C1QTNF7: variants seen among roughly 807,000 people sequenced by gnomAD.
The protein encoded by C1QTNF7 is complement C1q tumor necrosis factor-related protein 7.
A neutral mutation model predicts 19.6 loss-of-function variants in C1QTNF7; 15 were observed. The ratio of observed to expected loss-of-function variants is 0.76; its 90% CI spans 0.51 to 1.18. C1QTNF7 has a LOEUF of 1.18. C1QTNF7 is among the 50% of genes most tolerant of loss of function. The pLI is 0.00. For synonymous variants in C1QTNF7, 142 were observed against 137.5 expected (o/e 1.03, Z -0.23); for missense variants, 324 against 359.7 (o/e 0.90, Z 0.80).
At chr4:15,397,100 T>C (rs1044704870) in intron 1 of C1QTNF7, among the ~76,000 whole-genome samples, 10 of 152,120 alleles carry the variant, frequency 6.6e-5, no homozygotes, top group African/African-American at 2.4e-4. Context: ...AACCACCAGA[T>C]CTTGTAAGAC....
At chr4:15,407,419 T>C (rs567826995) in intron 1 of C1QTNF7, among the ~76,000 whole-genome samples, 2 of 152,226 alleles carry the variant, frequency 1.3e-5, no homozygotes, top group African/African-American at 4.8e-5. Flanking sequence ...GAGTAAAATT[T>C]AGACCAGCTC....
At chr4:15,355,456 A>C (rs1717109878) in intron 1 of C1QTNF7, among the ~76,000 whole-genome samples, 3 of 152,182 alleles carry the variant, frequency 2.0e-5, no homozygotes, top group Non-Finnish European at 4.4e-5. Context: ...CAAGTCTGCA[A>C]ACAAGGACTA....
chr4:15,342,092 A>G (rs1716563196), intron 1 of C1QTNF7, among the ~76,000 whole-genome samples: 1 of 152,238 alleles, frequency 6.6e-6, no homozygotes. Context: ...GGGCTTTGTA[A>G]TGAAACCTGG....
chr4:15,410,580 A>AT (rs1305277027), intron 1 of C1QTNF7, among the ~76,000 whole-genome samples: 3 of 152,046 alleles, frequency 2.0e-5, no homozygotes, highest in Non-Finnish European at 4.4e-5. Context: ...GTTTATTCCA[A>AT]TTTTTTCTGG....
chr4:15,344,670 G>C (rs994472005), intron 1 of C1QTNF7, among the ~76,000 whole-genome samples: 1 of 152,148 alleles, frequency 6.6e-6, no homozygotes, highest in African/African-American at 2.4e-5. Context: ...TCGATCAGCA[G>C]GTTCCAAACT....
At chr4:15,344,583 C>A (rs895124249) in intron 1 of C1QTNF7, among the ~76,000 whole-genome samples, 1 of 152,224 alleles carries the variant, frequency 6.6e-6, no homozygotes, top group Non-Finnish European at 1.5e-5. Flanking sequence ...CCTCTGAGGT[C>A]TCTCTGACTT....
At chr4:15,407,926 AAAAAC>A (rs776091809) in intron 1 of C1QTNF7, among the ~76,000 whole-genome samples, 3 of 152,146 alleles carry the variant, frequency 2.0e-5, no homozygotes, top group Admixed American at 6.5e-5. Context: ...ACTCTGTCTC[AAAAAC>A]AAAACAAAAC....
chr4:15,377,054 G>C (rs1308207047), intron 1 of C1QTNF7, among the ~76,000 whole-genome samples: 1 of 152,154 alleles, frequency 6.6e-6, no homozygotes, highest in African/African-American at 2.4e-5. Flanking sequence ...CTCTGTGCTT[G>C]GCACAGAATC....
chr4:15,421,142 C>T (rs757512873), intron 1 of C1QTNF7, among the ~76,000 whole-genome samples: 4 of 151,178 alleles, frequency 2.6e-5, no homozygotes, highest in African/African-American at 4.9e-5. Context: ...TCCGGATAAA[C>T]GTTTAGAAAC....
At chr4:15,376,995 A>C (rs766891144) in intron 1 of C1QTNF7, among the ~76,000 whole-genome samples, 1 of 152,232 alleles carries the variant, frequency 6.6e-6, no homozygotes, top group Non-Finnish European at 1.5e-5. Flanking sequence ...CCTTTGGGGA[A>C]GAGTGAAATA....
intron 1 of C1QTNF7, among the ~76,000 whole-genome samples, chr4:15,408,422 C>A (rs1453986010): frequency 1.3e-5 from 2 of 150,998 alleles, no homozygotes; most frequent in Middle Eastern, 3.4e-3. Flanking sequence ...TTGTTTAAGT[C>A]TTTTACAACA....
chr4:15,366,821 G>A (rs1717540377), intron 1 of C1QTNF7, among the ~76,000 whole-genome samples: 1 of 152,192 alleles, frequency 6.6e-6, no homozygotes, highest in African/African-American at 2.4e-5. Context: ...GAGCTTCATT[G>A]TTGATTAAGA....
chr4:15,370,822 C>T (rs531369963), intron 1 of C1QTNF7, among the ~76,000 whole-genome samples: 1 of 152,250 alleles, frequency 6.6e-6, no homozygotes, highest in East Asian at 1.9e-4. Context: ...CACATGTACT[C>T]TCTCATTGGC....
upstream of C1QTNF7, among the ~76,000 whole-genome samples, chr4:15,427,613 A>G (rs1712109070): frequency 1.3e-5 from 2 of 152,232 alleles, no homozygotes; most frequent in Non-Finnish European, 2.9e-5. Context: ...ATTCCACAAG[A>G]CACCATCCTA....
chr4:15,388,330 C>T (rs1206461171), intron 1 of C1QTNF7, among the ~76,000 whole-genome samples: 3 of 152,100 alleles, frequency 2.0e-5, no homozygotes, highest in Non-Finnish European at 2.9e-5. Flanking sequence ...GGAGAGCAGT[C>T]GACATGCTTG....
intron 1 of C1QTNF7, among the ~76,000 whole-genome samples, chr4:15,417,561 G>A (rs1719644248): frequency 6.6e-6 from 1 of 152,208 alleles, no homozygotes; most frequent in Admixed American, 6.5e-5. Context: ...AGGATCACTT[G>A]AGTCCAAGAG....
At chr4:15,409,899 C>CT (rs34361867) in intron 1 of C1QTNF7, among the ~76,000 whole-genome samples, 1 of 152,156 alleles carries the variant, frequency 6.6e-6, no homozygotes, top group Non-Finnish European at 1.5e-5. Flanking sequence ...TATGATGACT[C>CT]TTTTTTTCTC....
intron 1 of C1QTNF7, among the ~76,000 whole-genome samples, chr4:15,343,301 TC>T (rs528373731): frequency 6.6e-6 from 1 of 152,208 alleles, no homozygotes; most frequent in Non-Finnish European, 1.5e-5. Flanking sequence ...AGGCCATGTG[TC>T]CTTTAAACAT....
At chr4:15,428,924 C>T (rs1712179292) in intron 1 of C1QTNF7, among the ~76,000 whole-genome samples, 2 of 152,152 alleles carry the variant, frequency 1.3e-5, no homozygotes, top group South Asian at 4.1e-4. Context: ...TTATCAAGTC[C>T]AGCCCTTTGT....
Sources: gnomAD v4.1 joint callset for allele counts (sites outside exome capture counted in the v4.1 genomes callset) on GRCh38, gnomAD v4.1.1 for gene constraint, MANE v1.5 for transcripts, NCBI Gene and HGNC (gene_info 2026-07-23, HGNC 2026-07-21) for gene names.